Variants in CLVS1 observed in about 807,000 individuals in gnomAD.
CLVS1 encodes clavesin 1.
Under a neutral mutation model 33.1 loss-of-function variants are expected in CLVS1, and 10 were observed. That is an observed-to-expected ratio of 0.30 (90% CI 0.19 to 0.51). The LOEUF (loss-of-function observed/expected upper bound fraction) is 0.51. Ranked by LOEUF, CLVS1 falls within the 20% of genes least tolerant of loss-of-function variation. The probability of loss-of-function intolerance (pLI) is 0.97; values close to 1 mark genes in which losing one functional copy is unlikely to be tolerated. For missense variants in CLVS1, 343 were observed against 433.4 expected, an observed-to-expected ratio of 0.79 and a Z score of 1.85; for synonymous variants, 163 against 166.1, an observed-to-expected ratio of 0.98 and a Z score of 0.14.
At chr8:61,426,775 C>T (rs1815911915) in intron 3 of CLVS1, among the ~76,000 whole-genome samples, 1 of 152,120 alleles carries the variant, frequency 6.6e-6, no homozygotes, top group Non-Finnish European at 1.5e-5. Flanking sequence ...CTACATTGAC[C>T]ACATGGGGTG....
At chr8:61,120,655 G>A (rs1226044764) in intron 1 of CLVS1, among the ~76,000 whole-genome samples, 5 of 135,670 alleles carry the variant, frequency 3.7e-5, no homozygotes, top group African/African-American at 1.2e-4. Flanking sequence ...GTCTGCCCCT[G>A]CTGGGGGGTG....
At chr8:61,250,361 AG>A (rs1215226533) in intron 2 of CLVS1, among the ~76,000 whole-genome samples, 1 of 152,170 alleles carries the variant, frequency 6.6e-6, no homozygotes, top group African/African-American at 2.4e-5. Flanking sequence ...TGATGCCTTC[AG>A]CTTTGTTCTT....
chr8:61,498,483 G>A (rs1804346253), intron 5 of CLVS1, among the ~76,000 whole-genome samples: 1 of 152,110 alleles, frequency 6.6e-6, no homozygotes, highest in Non-Finnish European at 1.5e-5. Context: ...TTTGTTTTTA[G>A]TTGTGAACAT....
At chr8:61,419,396 C>CAAAAAAAAAAAAAA (rs10635998) in intron 3 of CLVS1, among the ~76,000 whole-genome samples, 2 of 70,330 alleles carry the variant, frequency 2.8e-5, no homozygotes, top group African/African-American at 9.0e-5. Flanking sequence ...GACTCCGTCT[C>CAAAAAAAAAAAAAA]AAAAAAAAAA....
chr8:61,078,679 TG>T (rs1804969089), intron 1 of CLVS1, among the ~76,000 whole-genome samples: 1 of 152,174 alleles, frequency 6.6e-6, no homozygotes, highest in African/African-American at 2.4e-5. Flanking sequence ...CTCTTATTTT[TG>T]GGGTGTTAGT....
rs1810143332 is a variant in CLVS1 at position 61,295,037 on chromosome 8, C to T, written c.-151-4640C>T. 2.6e-5 allele frequency among the ~76,000 whole-genome samples: 4 copies of T among 152,132 alleles called. No individual in the cohort carries two copies. The South Asian group carries it at 8.3e-4, about 32-fold the overall frequency. ...GTATGGATACTCTTCTTTTCTCCCT[C>T]TCATACAAAAATACCATTACCTAAT... On this transcript the variant is annotated intron_variant, in intron 1 of 5. Coordinates refer to ENST00000325897, the MANE Select transcript of CLVS1 (RefSeq NM_173519.3).
intron 2 of CLVS1, among the ~76,000 whole-genome samples, chr8:61,339,872 A>G (rs1308720432): frequency 4.6e-5 from 7 of 151,282 alleles, no homozygotes; most frequent in African/African-American, 1.7e-4. Flanking sequence ...AAAAAGAAAT[A>G]GAGAAAGAGA....
intron 2 of CLVS1, among the ~76,000 whole-genome samples, chr8:61,301,364 A>G (rs1033919453): frequency 1.1e-4 from 17 of 152,092 alleles, no homozygotes; most frequent in African/African-American, 4.1e-4. Flanking sequence ...CCCAACTCCA[A>G]TCATCCAACT....
intron 2 of CLVS1, among the ~76,000 whole-genome samples, chr8:61,193,622 A>T (rs1807542003): frequency 6.6e-6 from 1 of 152,104 alleles, no homozygotes; most frequent in African/African-American, 2.4e-5. Flanking sequence ...CTGTAAGAAA[A>T]CAACCGCCAA....
At chr8:61,404,302 T>C (rs778914325) in intron 3 of CLVS1, among the ~76,000 whole-genome samples, 1 of 152,296 alleles carries the variant, frequency 6.6e-6, no homozygotes, top group South Asian at 2.1e-4. Flanking sequence ...CCTCCTGGGA[T>C]TGTATGTTTC....
Position 61,088,487 on chromosome 8 carries a change from C to CAAAAAAAA in CLVS1, c.-243+31269_-243+31276dup, listed in dbSNP as rs59394782. Among the ~76,000 whole-genome samples the CAAAAAAAA allele has an allele frequency of 1.7e-3, 180 of 105,254 alleles. 4 individuals are homozygous for CAAAAAAAA. Among genetic ancestry groups the CAAAAAAAA allele is most frequent in the African/African-American group, 5.2e-3 (169 of 32,274 alleles). 69.1% of individuals were successfully genotyped at this position (105,254 alleles called of 152,430 possible). On this transcript the variant is annotated intron_variant, in intron 1 of 2. Coordinates refer to the CLVS1 transcript ENST00000522621. Reference sequence around the variant, plus strand: ...CCAAGGTAACAGAGCGAGACTGTCTCAAAAAAAAAAAAAAAAAAAGGAGCA... The same window carrying CAAAAAAAA: ...CCAAGGTAACAGAGCGAGACTGTCTCAAAAAAAAAAAAAAAAAAAAAAAAAAAGGAGCA...
intron 2 of CLVS1, among the ~76,000 whole-genome samples, chr8:61,363,577 T>C (rs1446285136): frequency 6.6e-6 from 1 of 152,232 alleles, no homozygotes; most frequent in Admixed American, 6.5e-5. Flanking sequence ...TGGGTAATGT[T>C]ACCTGGTAGA....
At chr8:61,198,154 T>A (rs1426341510) in intron 2 of CLVS1, among the ~76,000 whole-genome samples, 1 of 152,248 alleles carries the variant, frequency 6.6e-6, no homozygotes, top group Non-Finnish European at 1.5e-5. Flanking sequence ...CTGCCATCTT[T>A]CTTTGCCCTG....
chr8:61,472,405 G>A (rs936579252), intron 5 of CLVS1, among the ~76,000 whole-genome samples: 6 of 152,034 alleles, frequency 3.9e-5, no homozygotes, highest in South Asian at 4.1e-4. Context: ...AAAAGAGAGA[G>A]GAAGGAAACA....
At chr8:60,976,791 G>A in the CLVS1 span, among the ~76,000 whole-genome samples, 6 of 152,364 alleles carry the variant, frequency 3.9e-5, no homozygotes, top group East Asian at 1.9e-4. Flanking sequence ...CCATGGGGGC[G>A]GTGGTATGCA....
the CLVS1 span, among the ~76,000 whole-genome samples, chr8:61,012,808 C>T: frequency 6.6e-6 from 1 of 152,208 alleles, no homozygotes; most frequent in African/African-American, 2.4e-5. Flanking sequence ...GGGCTAGCTT[C>T]TTCCTCCTCA....
rs1242540939 is a variant in CLVS1 at position 61,268,213 on chromosome 8, GT to G, written c.-151-31463del. On this transcript the variant is annotated intron_variant, in intron 2 of 2. Coordinates refer to the CLVS1 transcript ENST00000522621. ...CCCGGAGTGTGATATTCCCCTTCCT[GT>G]GTCCATGTGATCTCATTGTTCAATT... 3.0e-5 allele frequency among the ~76,000 whole-genome samples: 4 copies of G among 131,346 alleles called. No individual in the cohort carries two copies. In the East Asian group the frequency reaches 8.8e-4, roughly 29 times the overall value. The allele number at this position is 131,346 out of a possible 152,430, so 86.2% of individuals were successfully genotyped here.
At chr8:61,137,258 T>C (rs1806207036) in intron 2 of CLVS1, among the ~76,000 whole-genome samples, 1 of 152,058 alleles carries the variant, frequency 6.6e-6, no homozygotes, top group Admixed American at 6.6e-5. Flanking sequence ...AGGAGGTGAG[T>C]ACCTGCTGGT....
chr8:61,083,481 A>G (rs996571963), intron 1 of CLVS1, among the ~76,000 whole-genome samples: 3 of 152,200 alleles, frequency 2.0e-5, no homozygotes, highest in Non-Finnish European at 4.4e-5. Context: ...TTTGGGAGCC[A>G]GAGGCAGGGA....
Sources: allele counts gnomAD v4.1 joint callset (sites outside exome capture counted in the v4.1 genomes callset), GRCh38; gene constraint gnomAD v4.1.1; transcripts MANE v1.5; gene names NCBI Gene and HGNC (gene_info 2026-07-23, HGNC 2026-07-21).